GALNT13: variants seen among roughly 807,000 people sequenced by gnomAD.
The protein encoded by GALNT13 is polypeptide N-acetylgalactosaminyltransferase 13.
A neutral mutation model predicts 64.2 loss-of-function variants in GALNT13; 28 were observed. The ratio of observed to expected loss-of-function variants is 0.44; its 90% confidence interval spans 0.32 to 0.60. The LOEUF is 0.60. Ranked by LOEUF, GALNT13 falls within the 20% of genes least tolerant of loss-of-function variation. The pLI is 0.05. For missense variants in GALNT13, 577 were observed against 669.8 expected (o/e 0.86, Z 1.53); for synonymous variants, 214 against 224.6 (o/e 0.95, Z 0.42).
intron 3 of GALNT13, among the ~76,000 whole-genome samples, chr2:153,967,677 G>A (rs1364567528): frequency 6.6e-6 from 1 of 152,092 alleles, no homozygotes; most frequent in African/African-American, 2.4e-5. Flanking sequence ...GTATCATGAG[G>A]AGTCACACCT....
intron 9 of GALNT13, among the ~76,000 whole-genome samples, chr2:154,354,482 A>G (rs1311305591): frequency 7.8e-6 from 1 of 128,726 alleles, no homozygotes; most frequent in African/African-American, 2.9e-5. Context: ...TATCTAAAAA[A>G]TCTTGGCCAT....
At chr2:154,154,068 A>T (rs1240289135) in intron 4 of GALNT13, among the ~76,000 whole-genome samples, 1 of 152,172 alleles carries the variant, frequency 6.6e-6, no homozygotes, top group East Asian at 1.9e-4. Flanking sequence ...CTATTCGGCC[A>T]TCTTGGCTGC....
At chr2:154,306,627 G>GT (rs1026571539) in intron 9 of GALNT13, among the ~76,000 whole-genome samples, 1 of 144,782 alleles carries the variant, frequency 6.9e-6, no homozygotes, top group Admixed American at 6.9e-5. Context: ...GTGGGGGGGG[G>GT]GTCAAGAAAT....
At chr2:153,408,648 T>G in the GALNT13 span, among the ~76,000 whole-genome samples, 2 of 150,548 alleles carry the variant, frequency 1.3e-5, no homozygotes, top group Non-Finnish European at 3.0e-5. Context: ...TGTTGTTGTT[T>G]TTTGTTTTTG....
At chr2:154,016,089 T>C (rs1309201125) in intron 3 of GALNT13, among the ~76,000 whole-genome samples, 1 of 152,192 alleles carries the variant, frequency 6.6e-6, no homozygotes, top group Non-Finnish European at 1.5e-5. Flanking sequence ...GACAAATATC[T>C]GACAGACTAG....
chr2:154,341,747 TA>T (rs1220171589), intron 9 of GALNT13, among the ~76,000 whole-genome samples: 1 of 152,034 alleles, frequency 6.6e-6, no homozygotes, highest in Non-Finnish European at 1.5e-5. Context: ...TGATGTAACT[TA>T]AGTTGTAAGA....
chr2:153,199,578 T>C, the GALNT13 span, among the ~76,000 whole-genome samples: 1 of 152,202 alleles, frequency 6.6e-6, no homozygotes, highest in Non-Finnish European at 1.5e-5. Flanking sequence ...CTCTTGCCTG[T>C]CCTTACTGTG....
At chr2:153,625,926 T>C in the GALNT13 span, among the ~76,000 whole-genome samples, 1 of 152,096 alleles carries the variant, frequency 6.6e-6, no homozygotes, top group Admixed American at 6.6e-5. Flanking sequence ...TGCTGAAATG[T>C]TGAGTTGTTC....
intron 1 of GALNT13, among the ~76,000 whole-genome samples, chr2:153,874,109 T>G (rs1429227779): frequency 8.0e-5 from 12 of 150,518 alleles, no homozygotes; most frequent in Non-Finnish European, 1.2e-4. Flanking sequence ...CTCTGTTTTT[T>G]TTTTTTTTTT....
At chr2:153,884,597 A>G (rs1687008279) in intron 1 of GALNT13, among the ~76,000 whole-genome samples, 1 of 151,420 alleles carries the variant, frequency 6.6e-6, no homozygotes, top group Non-Finnish European at 1.5e-5. Context: ...TAAACTCTAT[A>G]ACATGTCATT....
At chr2:153,951,379 C>T (rs1193965505) in intron 3 of GALNT13, among the ~76,000 whole-genome samples, 2 of 152,108 alleles carry the variant, frequency 1.3e-5, no homozygotes, top group Non-Finnish European at 2.9e-5. Flanking sequence ...GCTATTCTTT[C>T]CAGGAGGTCT....
the GALNT13 span, among the ~76,000 whole-genome samples, chr2:153,358,054 G>A: frequency 6.6e-6 from 1 of 152,084 alleles, no homozygotes; most frequent in African/African-American, 2.4e-5. Flanking sequence ...ACATATGAAA[G>A]CAAATTTACC....
At chr2:153,234,018 T>C in the GALNT13 span, among the ~76,000 whole-genome samples, 6 of 152,314 alleles carry the variant, frequency 3.9e-5, no homozygotes, top group South Asian at 1.2e-3. Context: ...ACTAATTTCA[T>C]GGTAGTACAA....
At chr2:153,308,566 C>T in the GALNT13 span, among the ~76,000 whole-genome samples, 1 of 152,122 alleles carries the variant, frequency 6.6e-6, no homozygotes, top group Non-Finnish European at 1.5e-5. Flanking sequence ...TATGGCTCCT[C>T]TGGGGAGTAA....
At chr2:153,484,349 AATTT>A in the GALNT13 span, among the ~76,000 whole-genome samples, 3 of 152,196 alleles carry the variant, frequency 2.0e-5, no homozygotes, top group African/African-American at 4.8e-5. Context: ...AACATACTAT[AATTT>A]ATTTATTAAA....
the GALNT13 span, among the ~76,000 whole-genome samples, chr2:153,587,494 G>A: frequency 1.3e-5 from 2 of 152,166 alleles, no homozygotes; most frequent in African/African-American, 4.8e-5. Flanking sequence ...AGCAAGTCAT[G>A]TCTTACATGG....
the GALNT13 span, among the ~76,000 whole-genome samples, chr2:153,114,903 G>A: frequency 6.6e-6 from 1 of 152,104 alleles, no homozygotes; most frequent in African/African-American, 2.4e-5. Context: ...GAGTTGGATA[G>A]GCCTGAGTTT....
intron 11 of GALNT13, chr2:154,409,291 G>A (rs1430462268): frequency 7.2e-6 from 4 of 557,802 alleles, no homozygotes; most frequent in East Asian, 3.1e-5. Context: ...AACACTTTCA[G>A]TGTGCCTACA....
At chr2:153,918,482 A>G (rs897458796) in intron 2 of GALNT13, among the ~76,000 whole-genome samples, 4 of 152,098 alleles carry the variant, frequency 2.6e-5, no homozygotes, top group Non-Finnish European at 2.9e-5. Flanking sequence ...GCTCTAACCC[A>G]CCACCACTCT....
Sources: allele counts gnomAD v4.1 joint callset (sites outside exome capture counted in the v4.1 genomes callset), GRCh38; gene constraint gnomAD v4.1.1; transcripts MANE v1.5; gene names NCBI Gene and HGNC (gene_info 2026-07-23, HGNC 2026-07-21).